DHRSX: variants seen among roughly 807,000 people sequenced by gnomAD.
The protein encoded by DHRSX is dehydrogenase/reductase X-linked.
Under a neutral mutation model 34.0 loss-of-function variants are expected in DHRSX, and 31 were observed. The observed-to-expected ratio is 0.91, with a 90% confidence interval of 0.69 to 1.23. DHRSX has a LOEUF of 1.23. DHRSX is among the 50% of genes most tolerant of loss of function. The pLI, the probability that DHRSX is intolerant of heterozygous loss-of-function variation, is 0.00. For synonymous variants in DHRSX, 201 were observed against 183.8 expected, an observed-to-expected ratio of 1.09 and a Z score of -0.76; for missense variants, 414 against 428.1, an observed-to-expected ratio of 0.97 and a Z score of 0.29.
At chrX:2,373,599 A>G (rs2043105473) in intron 3 of DHRSX, among the ~76,000 whole-genome samples, 1 of 152,182 alleles carries the variant, frequency 6.6e-6, no homozygotes, top group Non-Finnish European at 1.5e-5. Context: ...AGTGCCGCTG[A>G]ACCGAGTCAC....
At chrX:2,256,518 A>C (rs1157883383) in intron 5 of DHRSX, among the ~76,000 whole-genome samples, 1 of 151,174 alleles carries the variant, frequency 6.6e-6, no homozygotes, top group Non-Finnish European at 1.5e-5. Flanking sequence ...CTGGTCTCGA[A>C]CTCCTGACCT....
chrX:2,409,782 T>A (rs2043603456), intron 2 of DHRSX, among the ~76,000 whole-genome samples: 2 of 151,938 alleles, frequency 1.3e-5, no homozygotes, highest in South Asian at 4.1e-4. Flanking sequence ...CAGGCTGGAG[T>A]GCAGTGGTGC....
chrX:2,480,621 C>G (rs187018854), intron 1 of DHRSX, among the ~76,000 whole-genome samples: 1 of 151,852 alleles, frequency 6.6e-6, no homozygotes, highest in Non-Finnish European at 1.5e-5. Context: ...AATTCAAGAC[C>G]AGCCTGAGCA....
In DHRSX at chrX:2,232,933, C is replaced by A. The variant is rs1463602256; in HGVS notation, c.804+10090G>T. Among the ~76,000 whole-genome samples the A allele has an allele frequency of 4.6e-5, 7 of 152,074 alleles. No individual in the cohort carries two copies. In the South Asian group the frequency reaches 6.2e-4, roughly 13 times the overall value. ...CTGGTCTCAGAGACCACGCTGGGAACCTCACTCATTCTAGCTTCTTATGCA... is the reference window on the plus strand; with the variant it reads ...CTGGTCTCAGAGACCACGCTGGGAAACTCACTCATTCTAGCTTCTTATGCA... On this transcript the variant is annotated intron_variant, in intron 6 of 6. Transcript: ENST00000334651.
intron 3 of DHRSX, among the ~76,000 whole-genome samples, chrX:2,349,813 G>A (rs62583739): frequency 0.14 from 20,877 of 144,514 alleles, 2,000 homozygotes; most frequent in Admixed American, 0.21. Context: ...AGGCCGAGGC[G>A]GGCGGATCAC....
At chrX:2,484,018 C>G (rs2044817831) in intron 1 of DHRSX, among the ~76,000 whole-genome samples, 1 of 152,174 alleles carries the variant, frequency 6.6e-6, no homozygotes, top group Non-Finnish European at 1.5e-5. Flanking sequence ...TCTTGTCGCC[C>G]AGGATGGAGC....
intron 3 of DHRSX, among the ~76,000 whole-genome samples, chrX:2,399,725 C>CAAAAAAAAAAAAAAAAAAAAAAAAA (rs779558142): frequency 2.8e-5 from 1 of 35,248 alleles, no homozygotes; most frequent in Non-Finnish European, 4.8e-5. Flanking sequence ...AAACAAAAAG[C>CAAAAAAAAAAAAAAAAAAAAAAAAA]AAAAAAAAAA....
chrX:2,322,410 G>A (rs1294793752), intron 3 of DHRSX, among the ~76,000 whole-genome samples: 8 of 151,972 alleles, frequency 5.3e-5, no homozygotes, highest in Admixed American at 2.6e-4. Flanking sequence ...TTAGCTGGGC[G>A]TGGTGGCGTG....
chrX:2,311,170 CAGAG>C (rs1227969432), intron 3 of DHRSX, among the ~76,000 whole-genome samples: 1 of 150,340 alleles, frequency 6.7e-6, no homozygotes, highest in Non-Finnish European at 1.5e-5. Flanking sequence ...GAGAAAGTGA[CAGAG>C]AGGGACAGAG....
chrX:2,452,488 T>C (rs2044237510), intron 1 of DHRSX, among the ~76,000 whole-genome samples: 1 of 151,586 alleles, frequency 6.6e-6, no homozygotes, highest in African/African-American at 2.4e-5. Flanking sequence ...AGACGTTCCC[T>C]AACCATGCGC....
rs1193102377 is a variant in DHRSX, at chrX:2,478,750, C to T, written c.109+22067G>A. Among the ~76,000 whole-genome samples the T allele has an allele frequency of 5.3e-5, 8 of 151,062 alleles. No homozygotes were observed. In the South Asian group the frequency reaches 6.3e-4, roughly 12 times the overall value. On this transcript the variant is annotated intron_variant, in intron 1 of 6. Coordinates refer to ENST00000334651, the MANE Select transcript of DHRSX (RefSeq NM_145177.3). ...TGACTGAAGACGTTCCCCAAGCGTG[C>T]GGCCAAGGGACCACCATTGTGTAGG...
intron 2 of DHRSX, among the ~76,000 whole-genome samples, chrX:2,416,740 T>C (rs182029614): frequency 6.6e-6 from 1 of 152,292 alleles, no homozygotes; most frequent in African/African-American, 2.4e-5. Context: ...AACTAAGATC[T>C]TGTGGACAGA....
At chrX:2,303,263 T>C in intron 3 of DHRSX, among the ~76,000 whole-genome samples, 1 of 152,296 alleles carries the variant, frequency 6.6e-6, no homozygotes, top group Non-Finnish European at 1.5e-5. Flanking sequence ...AGTTTAGATC[T>C]GTGTCCCCAC....
chrX:2,464,844 C>A (rs1461863605), intron 1 of DHRSX, among the ~76,000 whole-genome samples: 2 of 151,934 alleles, frequency 1.3e-5, no homozygotes, highest in Non-Finnish European at 2.9e-5. Flanking sequence ...GAACGGCCAC[C>A]ATGTACACAC....
At chrX:2,246,196 A>T (rs182748020) in intron 5 of DHRSX, among the ~76,000 whole-genome samples, 1 of 152,320 alleles carries the variant, frequency 6.6e-6, no homozygotes, top group Admixed American at 6.5e-5. Flanking sequence ...ACTAAAGATA[A>T]GATCAAAAAG....
At chrX:2,366,163 C>T (rs971564103) in intron 3 of DHRSX, among the ~76,000 whole-genome samples, 2 of 152,094 alleles carry the variant, frequency 1.3e-5, no homozygotes, top group African/African-American at 2.4e-5. Flanking sequence ...GAAAATAGGC[C>T]GGGTGTGGTG....
chrX:2,240,836 T>C (rs73626184), intron 6 of DHRSX, among the ~76,000 whole-genome samples: 4,174 of 152,162 alleles, frequency 0.027, 216 homozygotes, highest in African/African-American at 0.095. Flanking sequence ...CGACTTGAGA[T>C]AGATAGGAAA....
chrX:2,230,232 TGA>T (rs1208526317), intron 6 of DHRSX, among the ~76,000 whole-genome samples: 2 of 152,200 alleles, frequency 1.3e-5, no homozygotes, highest in African/African-American at 4.8e-5. Context: ...TATGTGTGCA[TGA>T]GTGTGCACAT....
intron 5 of DHRSX, among the ~76,000 whole-genome samples, chrX:2,264,736 C>A (rs770517798): frequency 6.7e-6 from 1 of 148,256 alleles, no homozygotes; most frequent in African/African-American, 2.5e-5. Flanking sequence ...AACACCTGTG[C>A]CCAGCAGACA....
Sources: allele counts gnomAD v4.1 joint callset (sites outside exome capture counted in the v4.1 genomes callset), GRCh38; gene constraint gnomAD v4.1.1; transcripts MANE v1.5; gene names NCBI Gene and HGNC (gene_info 2026-07-23, HGNC 2026-07-21).